CCDC93: variants seen among roughly 807,000 people sequenced by gnomAD.
CCDC93 encodes CCC complex scaffolding subunit CCDC93.
A neutral mutation model predicts 108.2 loss-of-function variants in CCDC93; 61 were observed. That is an observed-to-expected ratio of 0.56 (90% CI 0.46 to 0.70). The LOEUF (loss-of-function observed/expected upper bound fraction) is 0.70. Ranked by LOEUF, CCDC93 falls within the 30% of genes least tolerant of loss-of-function variation. CCDC93 has a pLI of 0.00. For synonymous variants in CCDC93, 276 were observed against 260.4 expected (o/e 1.06, Z -0.58); for missense variants, 685 against 764.2 (o/e 0.90, Z 1.22).
rs1054013316 is a variant in CCDC93, at chr2:118,014,005, G to A, written c.-10C>T. 6.3e-6 allele frequency: 10 copies of A among 1,594,006 alleles called. No homozygotes were observed. Among genetic ancestry groups the A allele is most frequent in the Non-Finnish European group, 8.5e-6 (10 of 1,171,846 alleles). On this transcript the variant is annotated 5_prime_UTR_variant, in exon 1 of 24. Transcript: ENST00000376300. Reference sequence around the variant, plus strand: ...CCCTGGGCAACCCCATGATCCGACCGGGCTGTCGTAAGGCGAGAGCGAAGC... The same window carrying A: ...CCCTGGGCAACCCCATGATCCGACCAGGCTGTCGTAAGGCGAGAGCGAAGC...
At chr2:117,982,077 G>A (rs1476207323) in intron 7 of CCDC93, among the ~76,000 whole-genome samples, 1 of 152,054 alleles carries the variant, frequency 6.6e-6, no homozygotes, top group African/African-American at 2.4e-5. Context: ...GGTATGCCGT[G>A]TTTTATTTAC....
At position 117,971,097 on chromosome 2, in the gene CCDC93, T is replaced by G. The variant is rs568066823; in HGVS notation, c.888+2811A>C. On this transcript the variant is annotated intron_variant, in intron 11 of 23. Coordinates refer to ENST00000376300, the MANE Select transcript of CCDC93 (RefSeq NM_019044.5). ...AATGGGAACGGCCAGCCACAGTGGC[T>G]GAGACCTGCAATCCCAGCACTTTGG... Among the ~76,000 whole-genome samples the G allele has an allele frequency of 3.3e-5, 5 of 152,348 alleles. No individual in the cohort carries two copies. The South Asian group carries it at 1.0e-3, about 32-fold the overall frequency.
intron 4 of CCDC93, chr2:117,999,529 T>C (rs1159489561): frequency 6.6e-6 from 1 of 152,228 alleles, no homozygotes; most frequent in African/African-American, 2.4e-5. Context: ...GCAACACACC[T>C]GAGTCCCTTT....
At chr2:117,949,120 G>A (rs537447239) in intron 14 of CCDC93, among the ~76,000 whole-genome samples, 5 of 152,320 alleles carry the variant, frequency 3.3e-5, no homozygotes, top group African/African-American at 1.2e-4. Flanking sequence ...TGGGAAAAAG[G>A]TGACTAACCC....
intron 1 of CCDC93, among the ~76,000 whole-genome samples, chr2:118,013,722 G>A (rs919151761): frequency 1.3e-5 from 2 of 151,902 alleles, no homozygotes; most frequent in African/African-American, 4.8e-5. Flanking sequence ...TGCGCCCCAA[G>A]AGACCCGGGA....
chr2:117,925,089 C>T (rs955754115), intron 23 of CCDC93, among the ~76,000 whole-genome samples: 3 of 152,126 alleles, frequency 2.0e-5, no homozygotes, highest in African/African-American at 7.2e-5. Flanking sequence ...TTTGTCACCA[C>T]CAGGCCTGCC....
At chr2:117,948,618 T>C (rs1459896856) in intron 14 of CCDC93, among the ~76,000 whole-genome samples, 1 of 152,234 alleles carries the variant, frequency 6.6e-6, no homozygotes, top group Non-Finnish European at 1.5e-5. Flanking sequence ...TATCTGACAG[T>C]GCTTTGCTCC....
chr2:118,005,185 A>C (rs1319489261), intron 3 of CCDC93, among the ~76,000 whole-genome samples: 1 of 152,190 alleles, frequency 6.6e-6, no homozygotes, highest in Non-Finnish European at 1.5e-5. Context: ...CATATCTATT[A>C]AAAGTATAAT....
At position 117,968,412 on chromosome 2, in the gene CCDC93, C is replaced by A. The variant is rs80197151; in HGVS notation, c.888+5496G>T. ...CATGAACACCAAAAGCACACTGGTA[C>A]TTCTTGTAGCACATTCAGGGAAGGG... On this transcript the variant is annotated intron_variant, in intron 11 of 23. Transcript: ENST00000376300. 6.0e-3 allele frequency among the ~76,000 whole-genome samples: 913 copies of A among 152,298 alleles called. 4 individuals are homozygous for A. The highest frequency in any genetic ancestry group is 0.01 in the Middle Eastern group (3 of 294).
At chr2:117,996,075 A>T (rs149819562) in intron 5 of CCDC93, among the ~76,000 whole-genome samples, 189 bp downstream of exon 5, 1 of 152,198 alleles carries the variant, frequency 6.6e-6, no homozygotes. Context: ...TAGATCAAAC[A>T]CTAAAATTCA....
intron 7 of CCDC93, among the ~76,000 whole-genome samples, chr2:117,981,656 TA>T (rs1306203905): frequency 6.6e-6 from 1 of 152,244 alleles, no homozygotes; most frequent in Non-Finnish European, 1.5e-5. Context: ...TACAATTTTT[TA>T]ATTACTAGGT....
chr2:117,985,680 T>G (rs1680295966), intron 7 of CCDC93, among the ~76,000 whole-genome samples: 1 of 152,172 alleles, frequency 6.6e-6, no homozygotes, highest in Admixed American at 6.6e-5. Flanking sequence ...ACCTGAAGAT[T>G]TTAACAAACA....
At chr2:118,000,271 T>C (rs1234116376) in intron 4 of CCDC93, 1 of 152,794 alleles carries the variant, frequency 6.5e-6, no homozygotes, top group African/African-American at 2.4e-5. Context: ...TAAAGGAACA[T>C]GCTGTGGATT....
intron 3 of CCDC93, among the ~76,000 whole-genome samples, chr2:118,004,838 C>T (rs1371166711): frequency 6.6e-6 from 1 of 152,172 alleles, no homozygotes; most frequent in Admixed American, 6.5e-5. Context: ...TCCTCAATCC[C>T]TTATCCAAAC....
chr2:117,970,866 T>G (rs1238239402), intron 11 of CCDC93, among the ~76,000 whole-genome samples: 1 of 152,206 alleles, frequency 6.6e-6, no homozygotes, highest in Non-Finnish European at 1.5e-5. Flanking sequence ...CCTTCACAAC[T>G]GTTAGTATTT....
chr2:117,988,248 C>T (rs1680377208), intron 6 of CCDC93, among the ~76,000 whole-genome samples: 1 of 152,154 alleles, frequency 6.6e-6, no homozygotes, highest in South Asian at 2.1e-4. Context: ...AGAGTCAGAG[C>T]TCTACTTTGC....
rs1268924415 is a variant in CCDC93, at chr2:117,918,205, G to A, written c.*2138C>T. ...TACTCAGAAAGGCACTGTCCACACT[G>A]AGAGTTGTCTGCAGCAAGTGTGAAA... On this transcript the variant is annotated 3_prime_UTR_variant, in exon 24 of 24. Transcript: ENST00000376300. 1.3e-5 allele frequency: 2 copies of A among 152,112 alleles called. No homozygotes were observed. 9.4% of individuals were successfully genotyped at this position (152,112 alleles called of 1,614,324 possible). A position where few individuals can be genotyped will look rare whatever the true frequency, so the allele number is the denominator to read the frequency against.
chr2:117,966,010 G>A (rs1679556900), intron 11 of CCDC93, among the ~76,000 whole-genome samples: 1 of 152,204 alleles, frequency 6.6e-6, no homozygotes, highest in African/African-American at 2.4e-5. Context: ...ATAACAACGT[G>A]AAGGCAACTA....
chr2:118,013,608 C>G (rs116367041), intron 1 of CCDC93, among the ~76,000 whole-genome samples: 2,096 of 152,298 alleles, frequency 0.014, 51 homozygotes, highest in African/African-American at 0.046. Flanking sequence ...AGCCCTGCGG[C>G]GCGGGGTGGG....
Sources: allele counts gnomAD v4.1 joint callset (sites outside exome capture counted in the v4.1 genomes callset), GRCh38; gene constraint gnomAD v4.1.1; transcripts MANE v1.5; gene names NCBI Gene and HGNC (gene_info 2026-07-23, HGNC 2026-07-21).